The following ABHD12 variants were observed in gnomAD, a reference collection of about 807,000 sequenced individuals.
The protein encoded by ABHD12 is abhydrolase domain containing 12, lysophospholipase, also known as lysophosphatidylserine lipase ABHD12.
Under a neutral mutation model 58.3 loss-of-function variants are expected in ABHD12, and 43 were observed. The observed-to-expected ratio is 0.74, with a 90% confidence interval of 0.58 to 0.95. ABHD12 has a LOEUF of 0.95. Among genes scored for constraint, ABHD12 ranks in the 40% least tolerant of loss-of-function variants. The pLI is 0.00. For missense variants in ABHD12, 539 were observed against 537.2 expected (o/e 1.00, Z -0.03); for synonymous variants, 219 against 211.2 (o/e 1.04, Z -0.32).
intron 1 of ABHD12, among the ~76,000 whole-genome samples, chr20:25,367,142 C>T (rs1437112483): frequency 2.0e-5 from 3 of 152,138 alleles, no homozygotes; most frequent in Non-Finnish European, 4.4e-5. Flanking sequence ...TATCTTACAA[C>T]CAACTACTGT....
chr20:25,390,170 G>C (rs1268345188), intron 1 of ABHD12: 1 of 214,398 alleles, frequency 4.7e-6, no homozygotes, highest in Non-Finnish European at 9.1e-6. Context: ...GCGGGGTCAT[G>C]ACTTCGGGCG....
Position 25,309,477 on chromosome 20 carries a change from C to T in ABHD12, c.718G>A (p.Val240Met), listed in dbSNP as rs572997548. 159 of 1,614,172 alleles carry T rather than the reference C, an allele frequency of 9.9e-5. 3 individuals are homozygous for T. In the South Asian group the frequency reaches 1.4e-3, roughly 15 times the overall value. The change falls in exon 7 of 13, where the codon GTG (valine) becomes ATG (methionine). Residue 240 changes from valine to methionine, a missense_variant. Coordinates refer to ENST00000339157, the MANE Select transcript of ABHD12 (RefSeq NM_001042472.3). The stretch of plus-strand genomic sequence containing the variant: ...CCCAGAGAGTGGCCCCAGATGTACA[C>T]GGGGTTGTCACCACTTCTTGCTTTG... ...WIKARSGDNP[V>M]YIWGHSLGTG... is the part of the protein sequence containing the mutation.
intron 2 of ABHD12, among the ~76,000 whole-genome samples, chr20:25,324,094 G>A (rs1201583531): frequency 3.9e-5 from 6 of 152,196 alleles, no homozygotes; most frequent in African/African-American, 1.4e-4. Context: ...GCATCTACCA[G>A]GTCATCTGCC....
intron 1 of ABHD12, chr20:25,390,044 C>G (rs1008787327): frequency 2.0e-5 from 3 of 153,084 alleles, no homozygotes; most frequent in Non-Finnish European, 4.4e-5. Context: ...GGAGGAGGTC[C>G]GAGTGGGCCC....
chr20:25,375,164 G>T (rs999144587), intron 1 of ABHD12, among the ~76,000 whole-genome samples: 11 of 152,186 alleles, frequency 7.2e-5, no homozygotes, highest in African/African-American at 2.4e-4. Context: ...GCAAAGCAGA[G>T]GGGCCTCATG....
chr20:25,300,077 C>G (rs1033361679), downstream of ABHD12: 45 of 574,664 alleles, frequency 7.8e-5, no homozygotes, highest in African/African-American at 9.2e-4. Context: ...AATTTCTGAG[C>G]TGCTGGGACT....
intron 1 of ABHD12, among the ~76,000 whole-genome samples, chr20:25,363,842 G>A (rs2089785460): frequency 6.6e-6 from 1 of 152,020 alleles, no homozygotes. Context: ...TCCAGCCTGG[G>A]CAATAAGGGA....
At chr20:25,336,942 C>T (rs1214446150) in intron 2 of ABHD12, among the ~76,000 whole-genome samples, 18 of 152,128 alleles carry the variant, frequency 1.2e-4, no homozygotes, top group Admixed American at 1.2e-3. Context: ...TGGTGCTAGA[C>T]CTTTGGCAAC....
chr20:25,385,538 C>G (rs186718449), intron 1 of ABHD12, among the ~76,000 whole-genome samples: 2 of 151,928 alleles, frequency 1.3e-5, no homozygotes, highest in East Asian at 3.9e-4. Flanking sequence ...TAGTAGTTAC[C>G]GAAGTGCTAT....
chr20:25,303,111 TTCTC>T (rs2088667581), intron 11 of ABHD12, among the ~76,000 whole-genome samples: 1 of 152,176 alleles, frequency 6.6e-6, no homozygotes, highest in Non-Finnish European at 1.5e-5. Context: ...GGCTAGAAGT[TTCTC>T]TATCAATTTT....
Position 25,317,085 on chromosome 20 carries a change from A to G in ABHD12, c.543-7T>C. The G allele has an allele frequency of 1.2e-6, 2 of 1,610,538 alleles. No homozygotes were observed. The highest frequency in any genetic ancestry group is 1.7e-6 in the Non-Finnish European group (2 of 1,177,522). On this transcript the variant is annotated splice_polypyrimidine_tract_variant and splice_region_variant and intron_variant, in intron 4 of 12. Transcript: ENST00000339157. ...CACGCGGTGGTCGCCTCCTCTGGAG[A>G]AGAAAACAGGACATGGTGTGAGCAC...
Position 25,330,428 on chromosome 20 carries a change from G to C in ABHD12, c.317-6998C>G, listed in dbSNP as rs546932969. Among the ~76,000 whole-genome samples the C allele has an allele frequency of 8.7e-4, 133 of 152,362 alleles. 6 individuals carry two copies. The South Asian group carries it at 0.027, about 31-fold the overall frequency. On this transcript the variant is annotated intron_variant, in intron 2 of 12. Transcript: ENST00000339157. ...GCCCAGGCTTGCTTAGGTAAACAAA[G>C]CAGCCAGGAAGCTCAAACTGGGTGG...
intron 1 of ABHD12, among the ~76,000 whole-genome samples, chr20:25,362,219 G>A (rs993688471): frequency 4.6e-5 from 7 of 151,846 alleles, no homozygotes; most frequent in Non-Finnish European, 8.8e-5. Flanking sequence ...GGCGGAGGTT[G>A]TGGTGAGCCA....
chr20:25,330,446 C>T (rs2089253176), intron 2 of ABHD12, among the ~76,000 whole-genome samples: 1 of 152,266 alleles, frequency 6.6e-6, no homozygotes, highest in Admixed American at 6.5e-5. Flanking sequence ...GAAGCTCAAA[C>T]TGGGTGGAGC....
intron 1 of ABHD12, among the ~76,000 whole-genome samples, chr20:25,353,263 TG>T (rs1197263833): frequency 7.1e-4 from 38 of 53,616 alleles, no homozygotes; most frequent in Admixed American, 6.2e-3. Flanking sequence ...TGTTTGTTTC[TG>T]TTTTTTTTTT....
downstream of ABHD12, chr20:25,296,495 C>A: frequency 6.2e-7 from 1 of 1,613,692 alleles, no homozygotes; most frequent in Admixed American, 1.7e-5. Context: ...ACCTGCAGAT[C>A]CCGCCCCCCA....
chr20:25,358,174 C>T (rs754176616), intron 1 of ABHD12, among the ~76,000 whole-genome samples: 22 of 152,272 alleles, frequency 1.4e-4, no homozygotes, highest in Middle Eastern at 3.4e-3. Flanking sequence ...CATCAAATCT[C>T]AAATTACGCT....
intron 8 of ABHD12, 66 bp from the exon 9 acceptor site, chr20:25,308,111 G>GCCC: frequency 8.9e-7 from 1 of 1,124,750 alleles, no homozygotes; most frequent in Non-Finnish European, 1.4e-6. Context: ...GGCCTGTGGG[G>GCCC]CTCTGAGGGG....
At chr20:25,357,370 T>C (rs962637477) in intron 1 of ABHD12, among the ~76,000 whole-genome samples, 2 of 152,260 alleles carry the variant, frequency 1.3e-5, no homozygotes, top group African/African-American at 4.8e-5. Flanking sequence ...TCTAACATGA[T>C]GGACAGAATC....
Sources: gnomAD v4.1 joint callset for allele counts (sites outside exome capture counted in the v4.1 genomes callset) on GRCh38, gnomAD v4.1.1 for gene constraint, MANE v1.5 for transcripts, NCBI Gene and HGNC (gene_info 2026-07-23, HGNC 2026-07-21) for gene names.